Variants in ADGRL2 observed in about 807,000 individuals in gnomAD.
ADGRL2 encodes the protein calcium-independent alpha-latrotoxin receptor 2.
Under a neutral mutation model 157.4 loss-of-function variants are expected in ADGRL2, and 44 were observed. The observed-to-expected ratio is 0.28, with a 90% confidence interval of 0.22 to 0.36. The LOEUF (loss-of-function observed/expected upper bound fraction) is 0.36, where lower values mean the gene tolerates loss of function less well. ADGRL2 is among the 10% of genes least tolerant of loss of function. ADGRL2 has a pLI of 1.00. For missense variants in ADGRL2, 1,510 were observed against 1,768.9 expected (o/e 0.85, Z 2.63); for synonymous variants, 585 against 624.7 (o/e 0.94, Z 0.95).
intron 1 of ADGRL2, among the ~76,000 whole-genome samples, chr1:81,335,277 T>C (rs534385306): frequency 6.6e-6 from 1 of 152,324 alleles, no homozygotes; most frequent in East Asian, 1.9e-4. Flanking sequence ...AAAAATATCC[T>C]GTTGAATATC....
chr1:81,970,394 G>C lies in ADGRL2; in HGVS notation c.2814G>C (p.Gln938His). The C allele has an allele frequency of 6.3e-7, 1 of 1,582,168 alleles. No homozygotes were observed. The change falls in exon 16 of 24, where the codon CAG (glutamine) becomes CAC (histidine). Residue 938 changes from glutamine (Q) to histidine (H), a missense_variant. Around this residue, in one of 4 missense-constraint regions of ADGRL2, gnomAD observed 497 missense variants for 627.2 expected, o/e 0.79. Transcript: ENST00000686636. ...AFAWMCLEGV[Q>H]LYLMLVEVFE... ...CTTGGATGTGCCTAGAAGGTGTGCA[G>C]CTCTACCTAATGTTAGTTGAAGTTT...
intron 2 of ADGRL2, among the ~76,000 whole-genome samples, chr1:81,461,939 G>T (rs1205968681): frequency 6.9e-6 from 1 of 145,802 alleles, no homozygotes; most frequent in Non-Finnish European, 1.5e-5. Flanking sequence ...AAGGGGGGGG[G>T]GGGTGGTGGA....
intron 2 of ADGRL2, among the ~76,000 whole-genome samples, chr1:81,568,211 T>C (rs1334030320): frequency 6.6e-6 from 1 of 152,144 alleles, no homozygotes; most frequent in African/African-American, 2.4e-5. Flanking sequence ...TTCCATGCAA[T>C]GTATTTCTAG....
chr1:81,723,892 A>C (rs531796050), intron 1 of ADGRL2, among the ~76,000 whole-genome samples: 5 of 152,264 alleles, frequency 3.3e-5, no homozygotes, highest in African/African-American at 1.2e-4. Context: ...TATATCTAAT[A>C]AATGTTTCAT....
intron 2 of ADGRL2, among the ~76,000 whole-genome samples, chr1:81,535,321 T>C (rs911577560): frequency 6.6e-6 from 1 of 152,184 alleles, no homozygotes; most frequent in South Asian, 2.1e-4. Flanking sequence ...ATTAAAGTTA[T>C]ATTGCTAACC....
rs1557582503 is a variant in ADGRL2 at position 81,706,618 on chromosome 1, G to A, written c.-143+6810G>A. Among the ~76,000 whole-genome samples the A allele has an allele frequency of 2.6e-5, 4 of 152,262 alleles. 1 individual carries two copies. Among genetic ancestry groups the A allele is most frequent in the African/African-American group, 9.6e-5 (4 of 41,558 alleles). On this transcript the variant is annotated intron_variant, in intron 1 of 20. Transcript: ENST00000359929. ...GATTGTCAACGAAAAGAGAGAACAG[G>A]TGAGAAAAGGGCTAAGGAACAAACT... is the stretch of plus-strand genomic sequence containing the variant.
intron 2 of ADGRL2, among the ~76,000 whole-genome samples, chr1:81,569,065 T>A (rs905704495): frequency 5.3e-5 from 8 of 152,204 alleles, no homozygotes; most frequent in Non-Finnish European, 1.2e-4. Context: ...CTTATTTCCC[T>A]ACCTCAACCC....
chr1:81,372,709 G>A (rs1223398158), intron 1 of ADGRL2, among the ~76,000 whole-genome samples: 1 of 152,126 alleles, frequency 6.6e-6, no homozygotes, highest in Non-Finnish European at 1.5e-5. Context: ...TTAAAATAAT[G>A]TACATAACTA....
intron 2 of ADGRL2, among the ~76,000 whole-genome samples, chr1:81,527,935 C>T (rs908971989): frequency 6.6e-6 from 1 of 151,812 alleles, no homozygotes; most frequent in East Asian, 2.0e-4. Context: ...GGTGCGGTTG[C>T]ATGCACCTGT....
intron 1 of ADGRL2, among the ~76,000 whole-genome samples, chr1:81,748,261 G>A (rs933427283): frequency 2.0e-5 from 3 of 151,860 alleles, no homozygotes; most frequent in African/African-American, 4.8e-5. Context: ...GACAGATCAC[G>A]AGGTCAAGAG....
chr1:81,852,635 T>G (rs896910322), intron 2 of ADGRL2, among the ~76,000 whole-genome samples: 1 of 152,050 alleles, frequency 6.6e-6, no homozygotes, highest in Non-Finnish European at 1.5e-5. Context: ...GAGTAAAAAT[T>G]TATTTTCCTT....
At chr1:81,742,430 T>C (rs973590297) in intron 1 of ADGRL2, among the ~76,000 whole-genome samples, 1 of 151,984 alleles carries the variant, frequency 6.6e-6, no homozygotes, top group Non-Finnish European at 1.5e-5. Flanking sequence ...AATTTTCAAA[T>C]CCATCCCTTT....
At chr1:81,764,170 T>G (rs1283786289) in intron 2 of ADGRL2, among the ~76,000 whole-genome samples, 7 of 123,212 alleles carry the variant, frequency 5.7e-5, no homozygotes, top group African/African-American at 2.3e-4. Flanking sequence ...CCAGCTTGGG[T>G]GACAGAGCGA....
intron 1 of ADGRL2, among the ~76,000 whole-genome samples, chr1:81,419,731 T>A (rs1040383064): frequency 2.6e-5 from 4 of 152,212 alleles, no homozygotes; most frequent in African/African-American, 9.6e-5. Context: ...AGAAAATTCC[T>A]TGAGGAGAAG....
chr1:81,777,800 T>C (rs1231596403), intron 2 of ADGRL2, among the ~76,000 whole-genome samples: 1 of 152,160 alleles, frequency 6.6e-6, no homozygotes, highest in Non-Finnish European at 1.5e-5. Flanking sequence ...CTTGATTTTA[T>C]CATCTAATGT....
chr1:81,940,470 A>G (rs1437768921), intron 4 of ADGRL2, among the ~76,000 whole-genome samples: 3 of 151,640 alleles, frequency 2.0e-5, no homozygotes, highest in Non-Finnish European at 4.4e-5. Flanking sequence ...TGTAGTCAGA[A>G]TAACACATTA....
chr1:81,939,793 T>G (rs2148903869), intron 4 of ADGRL2, among the ~76,000 whole-genome samples: 1 of 151,596 alleles, frequency 6.6e-6, no homozygotes, highest in East Asian at 1.9e-4. Flanking sequence ...CTTCTACTGA[T>G]AGAATTTTGG....
intron 1 of ADGRL2, among the ~76,000 whole-genome samples, chr1:81,346,566 C>T (rs1440803041): frequency 1.3e-5 from 2 of 152,034 alleles, no homozygotes; most frequent in African/African-American, 4.8e-5. Context: ...AAAAGTGGAG[C>T]CCTAATTCAG....
At chr1:81,551,704 G>A (rs2080150330) in intron 2 of ADGRL2, among the ~76,000 whole-genome samples, 1 of 152,064 alleles carries the variant, frequency 6.6e-6, no homozygotes, top group African/African-American at 2.4e-5. Flanking sequence ...TTAAGATCTA[G>A]GTGTGAATGA....
Sources: gnomAD v4.1 joint callset for allele counts (sites outside exome capture counted in the v4.1 genomes callset) on GRCh38, gnomAD v4.1.1 for gene constraint, gnomAD v4.1.1 regional missense constraint, MANE v1.5 for transcripts, NCBI Gene and HGNC (gene_info 2026-07-23, HGNC 2026-07-21) for gene names.